The following DNER variants were observed in gnomAD, a reference collection of about 807,000 sequenced individuals.
The protein encoded by DNER is delta and Notch-like epidermal growth factor-related receptor.
Under a neutral mutation model 78.2 loss-of-function variants are expected in DNER, and 33 were observed. The observed-to-expected ratio is 0.42, with a 90% confidence interval of 0.32 to 0.56. The LOEUF (loss-of-function observed/expected upper bound fraction) is 0.56. Ranked by LOEUF, DNER falls within the 20% of genes least tolerant of loss-of-function variation. The probability of loss-of-function intolerance (pLI) is 0.11; values close to 1 mark genes in which losing one functional copy is unlikely to be tolerated. For synonymous variants in DNER, 417 were observed against 384.8 expected (o/e 1.08, Z -0.98); for missense variants, 918 against 975.3 (o/e 0.94, Z 0.78).
chr2:229,386,061 T>C (rs113320558), intron 11 of DNER, among the ~76,000 whole-genome samples: 15,608 of 152,120 alleles, frequency 0.1, 959 homozygotes, highest in African/African-American at 0.16. Flanking sequence ...TGTTACCTGA[T>C]TTCAAACTAT....
intron 6 of DNER, among the ~76,000 whole-genome samples, chr2:229,503,959 G>A (rs978510551): frequency 3.3e-5 from 5 of 152,158 alleles, no homozygotes; most frequent in Non-Finnish European, 5.9e-5. Flanking sequence ...GCCCAGGCTG[G>A]TCTGAAACTC....
Position 229,714,289 on chromosome 2 carries a change from G to A in DNER, c.135C>T (p.Pro45=), listed in dbSNP as rs1440390084. 3.7e-6 allele frequency: 5 copies of A among 1,339,266 alleles called. No individual in the cohort carries two copies. The African/African-American group carries it at 4.6e-5, about 12-fold the overall frequency. The allele number at this position is 1,339,266 out of a possible 1,614,324, so 83.0% of individuals were successfully genotyped here. Residue 45 remains proline (P), a synonymous_variant, in exon 1 of 13, where the codon CCC becomes CCT. Transcript: ENST00000341772. The stretch of plus-strand genomic sequence containing the variant: ...GGCAGGGCTGCGCGGCGCACGGCCC[G>A]GGCGCAGACAGGGGCGCGGCGGGCA... ...NPVPAAPLSA[P]GPCAAQPCRN... is the part of the protein sequence containing the mutation.
intron 1 of DNER, among the ~76,000 whole-genome samples, chr2:229,701,260 G>A (rs1304843220): frequency 2.6e-5 from 4 of 152,212 alleles, no homozygotes; most frequent in Non-Finnish European, 5.9e-5. Context: ...TTAAATGCAA[G>A]TTAGCAAAAT....
rs1220538210 is a variant in DNER, at chr2:229,396,293, T to TTAGTA, written c.1724-7898_1724-7897insTACTA. Among the ~76,000 whole-genome samples, 7 of 150,424 alleles carry TTAGTA rather than the reference T, an allele frequency of 4.7e-5. No individual in the cohort carries two copies. In the East Asian group the frequency reaches 1.5e-3, roughly 33 times the overall value. The stretch of plus-strand genomic sequence containing the variant: ...AGATAGAAACCAACTCAAATGCCTT[T>TTAGTA]TAGTTTACACGACTTTAGTAATCTT... On this transcript the variant is annotated intron_variant, in intron 10 of 12. Coordinates refer to ENST00000341772, the MANE Select transcript of DNER (RefSeq NM_139072.4).
At position 229,426,772 on chromosome 2, in the gene DNER, C is replaced by A. The variant is rs373637850; in HGVS notation, c.1487-8542G>T. Among the ~76,000 whole-genome samples, 55 of 152,296 alleles carry A rather than the reference C, an allele frequency of 3.6e-4. 1 individual carries two copies. Among genetic ancestry groups the A allele is most frequent in the East Asian group, 1.5e-3 (8 of 5,176 alleles). ...GCTCACATTAATCCTATTAAGTGTT[C>A]AGATGCTCTCGTTTAAACGAACCTG... On this transcript the variant is annotated intron_variant, in intron 8 of 12. Coordinates refer to ENST00000341772, the MANE Select transcript of DNER (RefSeq NM_139072.4).
At chr2:229,554,267 G>T (rs540971363) in intron 4 of DNER, among the ~76,000 whole-genome samples, 1 of 152,290 alleles carries the variant, frequency 6.6e-6, no homozygotes, top group East Asian at 1.9e-4. Flanking sequence ...GTAGTATGAC[G>T]TTCAATTCAG....
At chr2:229,422,311 A>T (rs1335185109) in intron 8 of DNER, among the ~76,000 whole-genome samples, 1 of 152,238 alleles carries the variant, frequency 6.6e-6, no homozygotes, top group Non-Finnish European at 1.5e-5. Context: ...CTGAAAAAAA[A>T]TTAGGCTAAT....
At chr2:229,480,617 C>T (rs754139242) in intron 6 of DNER, among the ~76,000 whole-genome samples, 1 of 152,084 alleles carries the variant, frequency 6.6e-6, no homozygotes, top group Non-Finnish European at 1.5e-5. Flanking sequence ...ATCAGAGAGG[C>T]TAATTTACAT....
chr2:229,632,574 G>C (rs1698450438), intron 1 of DNER, among the ~76,000 whole-genome samples: 1 of 152,152 alleles, frequency 6.6e-6, no homozygotes, highest in Non-Finnish European at 1.5e-5. Context: ...TGCAGGATGG[G>C]AGGCTGGAGC....
intron 5 of DNER, among the ~76,000 whole-genome samples, chr2:229,517,122 A>AAG (rs1285902402): frequency 1.3e-5 from 2 of 151,506 alleles, no homozygotes; most frequent in African/African-American, 4.8e-5. Flanking sequence ...AAAAAAAAAA[A>AAG]AAAAAGAAAA....
chr2:229,598,725 G>A (rs1483775852), intron 1 of DNER, among the ~76,000 whole-genome samples: 1 of 152,152 alleles, frequency 6.6e-6, no homozygotes, highest in Admixed American at 6.5e-5. Context: ...AAGAAGAGGT[G>A]GTCTGGGAGT....
intron 7 of DNER, among the ~76,000 whole-genome samples, chr2:229,462,380 G>T (rs756518947): frequency 6.6e-6 from 1 of 152,206 alleles, no homozygotes; most frequent in Non-Finnish European, 1.5e-5. Context: ...GAAATGATGT[G>T]TATAGGCATT....
At position 229,452,517 on chromosome 2, in the gene DNER, C is replaced by T. The variant is rs546411153; in HGVS notation, c.1262-4977G>A. On this transcript the variant is annotated intron_variant, in intron 7 of 12. Transcript: ENST00000341772. ...TTCCAAAAAAGACGGCCGCCATAAC[C>T]TGCAGCCAATTTGAAACATGGGGCC... is the stretch of plus-strand genomic sequence containing the variant. 2.0e-5 allele frequency among the ~76,000 whole-genome samples: 3 copies of T among 152,306 alleles called. No individual in the cohort carries two copies. The East Asian group carries it at 5.8e-4, about 29-fold the overall frequency.
chr2:229,465,854 C>G (rs1310387272), intron 7 of DNER, among the ~76,000 whole-genome samples: 4 of 151,980 alleles, frequency 2.6e-5, no homozygotes, highest in Non-Finnish European at 4.4e-5. Context: ...CTCATCCTCC[C>G]CCTCAAAAAT....
At position 229,714,525 on chromosome 2, in the gene DNER, T is replaced by G. The variant is rs1159584751; in HGVS notation, c.-102A>C. On this transcript the variant is annotated 5_prime_UTR_variant, in exon 1 of 13. Coordinates refer to ENST00000341772, the MANE Select transcript of DNER (RefSeq NM_139072.4). ...CGAGAGCGACGGTGGCGGCTAGGGC[T>G]GCTCCGCCGGGCCGGGCGCCTCCTG... 5.8e-6 allele frequency: 6 copies of G among 1,041,266 alleles called. No individual in the cohort carries two copies. Among genetic ancestry groups the G allele is most frequent in the Non-Finnish European group, 6.9e-6 (6 of 867,636 alleles). The allele number at this position is 1,041,266 out of a possible 1,614,324, so 64.5% of individuals were successfully genotyped here. A position where few individuals can be genotyped will look rare whatever the true frequency, so the allele number is the denominator to read the frequency against.
At chr2:229,576,991 A>G (rs1697314322) in intron 4 of DNER, among the ~76,000 whole-genome samples, 1 of 152,166 alleles carries the variant, frequency 6.6e-6, no homozygotes, top group Non-Finnish European at 1.5e-5. Flanking sequence ...CAGGGTCCAG[A>G]CCACGGAGAA....
intron 11 of DNER, among the ~76,000 whole-genome samples, chr2:229,373,053 T>C (rs1392890053): frequency 1.3e-5 from 2 of 152,152 alleles, no homozygotes; most frequent in Non-Finnish European, 2.9e-5. Context: ...AAAGAACATA[T>C]AACTAAATCC....
In DNER at chr2:229,447,414, G is replaced by A. The variant is rs375440981; in HGVS notation, c.1388C>T (p.Pro463Leu). The change falls in exon 8 of 13, where the codon CCG becomes CTG. Residue 463 changes from proline (P) to leucine (L), a missense_variant. Transcript: ENST00000341772. Reference protein sequence around the residue: ...TCNCSPGFTGPTCAQLIDFCA... With the variant: ...TCNCSPGFTGLTCAQLIDFCA... ...GAAGTCAATAAGCTGGGCACAGGTC[G>A]GCCCTGTGAAGCCCGGGCTGCAGTT... 44 of 1,613,836 alleles carry A rather than the reference G, an allele frequency of 2.7e-5. No homozygotes were observed. The highest frequency in any genetic ancestry group is 1.6e-4 in the Middle Eastern group (1 of 6,080).
intron 5 of DNER, among the ~76,000 whole-genome samples, chr2:229,537,822 A>G (rs935452665): frequency 6.6e-6 from 1 of 152,080 alleles, no homozygotes; most frequent in East Asian, 1.9e-4. Context: ...TTAGTTACAT[A>G]TGTATACATG....
Sources: gnomAD v4.1 joint callset for allele counts (sites outside exome capture counted in the v4.1 genomes callset) on GRCh38, gnomAD v4.1.1 for gene constraint, MANE v1.5 for transcripts, NCBI Gene and HGNC (gene_info 2026-07-23, HGNC 2026-07-21) for gene names.